The following LRGUK variants were observed in gnomAD, a reference collection of about 807,000 sequenced individuals.
LRGUK encodes leucine rich repeats and guanylate kinase domain containing.
In LRGUK, 65 loss-of-function variants were observed where a neutral mutation model predicts 76.0. The ratio of observed to expected loss-of-function variants is 0.85; its 90% CI spans 0.70 to 1.05. The LOEUF is 1.05. LRGUK is among the 50% of genes least tolerant of loss of function. LRGUK has a pLI of 0.00. For synonymous variants in LRGUK, 268 were observed against 265.6 expected (o/e 1.01, Z -0.09); for missense variants, 758 against 732.8 (o/e 1.03, Z -0.40).
intron 15 of LRGUK, among the ~76,000 whole-genome samples, chr7:134,207,036 C>T (rs745323620): frequency 2.6e-5 from 4 of 152,126 alleles, no homozygotes; most frequent in Non-Finnish European, 5.9e-5. Flanking sequence ...AAGTGGGGAA[C>T]ACATCCTTAT....
intron 1 of LRGUK, 124 bp downstream of exon 1, chr7:134,127,788 TC>T: frequency 9.1e-7 from 1 of 1,095,786 alleles, no homozygotes; most frequent in Non-Finnish European, 1.3e-6. Flanking sequence ...CTCTCTCGCC[TC>T]CAGGAACGCC....
intron 16 of LRGUK, among the ~76,000 whole-genome samples, chr7:134,228,885 G>A (rs1437824484): frequency 6.6e-6 from 1 of 152,066 alleles, no homozygotes; most frequent in Non-Finnish European, 1.5e-5. Context: ...TTGGGGGAAG[G>A]AGTAGAATAA....
chr7:134,262,017 T>C (rs1047967165), intron 19 of LRGUK, among the ~76,000 whole-genome samples: 5 of 152,364 alleles, frequency 3.3e-5, no homozygotes, highest in Admixed American at 6.5e-5. Flanking sequence ...ACACTCATCA[T>C]TCACTATAGT....
the LRGUK span, among the ~76,000 whole-genome samples, chr7:134,273,751 A>G: frequency 4.6e-5 from 7 of 152,088 alleles, no homozygotes; most frequent in African/African-American, 1.4e-4. Flanking sequence ...TAGGTTTACT[A>G]TTGTTCATAT....
intron 18 of LRGUK, among the ~76,000 whole-genome samples, chr7:134,254,836 A>C (rs1167344800): frequency 1.3e-5 from 2 of 152,230 alleles, no homozygotes; most frequent in Non-Finnish European, 2.9e-5. Context: ...TACTTGATGG[A>C]CTATTATGCA....
chr7:134,258,118 T>A (rs986476488), intron 18 of LRGUK, 139 bp from the exon 19 acceptor site: 1 of 1,001,364 alleles, frequency 1.0e-6, no homozygotes, highest in Admixed American at 2.2e-5. Context: ...TGTTGAACAC[T>A]AGCTCAACAC....
chr7:134,221,379 A>G (rs1346444688), intron 15 of LRGUK, among the ~76,000 whole-genome samples: 1 of 152,156 alleles, frequency 6.6e-6, no homozygotes, highest in Non-Finnish European at 1.5e-5. Flanking sequence ...TCATCATTCC[A>G]TTCTATTTCA....
chr7:134,145,947 T>C (rs1797951851), intron 4 of LRGUK, among the ~76,000 whole-genome samples: 1 of 152,054 alleles, frequency 6.6e-6, no homozygotes. Context: ...CCAATGGGAG[T>C]CCAAACAGTG....
At chr7:134,257,123 A>G (rs1282501789) in intron 18 of LRGUK, among the ~76,000 whole-genome samples, 1 of 152,100 alleles carries the variant, frequency 6.6e-6, no homozygotes, top group African/African-American at 2.4e-5. Context: ...TAGTGAGGAA[A>G]TTTCACTCAG....
chr7:134,215,484 A>T (rs1801411798), intron 15 of LRGUK, among the ~76,000 whole-genome samples: 1 of 152,146 alleles, frequency 6.6e-6, no homozygotes, highest in Non-Finnish European at 1.5e-5. Context: ...GACATCATTT[A>T]TGCTGAATTC....
chr7:134,159,653 G>A (rs934091022), intron 6 of LRGUK, among the ~76,000 whole-genome samples: 2 of 152,168 alleles, frequency 1.3e-5, no homozygotes, highest in African/African-American at 2.4e-5. Flanking sequence ...GCTAGGCGCG[G>A]TGGTGGTCCC....
At chr7:134,226,072 A>C (rs1345005035) in intron 16 of LRGUK, among the ~76,000 whole-genome samples, 1 of 152,164 alleles carries the variant, frequency 6.6e-6, no homozygotes, top group Non-Finnish European at 1.5e-5. Flanking sequence ...TCTGTCAAAA[A>C]CATTTATCTT....
At chr7:134,176,851 G>A in intron 8 of LRGUK, 126 bp from the exon 9 acceptor site, 1 of 609,074 alleles carries the variant, frequency 1.6e-6, no homozygotes. Flanking sequence ...GCATAGTCCT[G>A]TGAGGGTGTG....
chr7:134,263,818 CTA>C, intron 19 of LRGUK, 25 bp from the exon 20 acceptor site: 1 of 1,587,394 alleles, frequency 6.3e-7, no homozygotes, highest in South Asian at 1.2e-5. Context: ...AAGGGATTAA[CTA>C]TCTTTTTTTC....
At chr7:134,134,616 AAGTG>A (rs903476637) in intron 1 of LRGUK, among the ~76,000 whole-genome samples, 26 of 152,308 alleles carry the variant, frequency 1.7e-4, no homozygotes, top group African/African-American at 5.5e-4. Context: ...CACCTGCTCT[AAGTG>A]AGTAAGTGAG....
At chr7:134,150,938 G>C (rs1269889678) in intron 5 of LRGUK, among the ~76,000 whole-genome samples, 1 of 152,062 alleles carries the variant, frequency 6.6e-6, no homozygotes, top group African/African-American at 2.4e-5. Context: ...TATAATTAGA[G>C]TGTAACATGG....
chr7:134,192,522 C>G (rs1800299142), intron 12 of LRGUK, among the ~76,000 whole-genome samples: 1 of 152,156 alleles, frequency 6.6e-6, no homozygotes, highest in African/African-American at 2.4e-5. Context: ...GATAGTAACT[C>G]AAAACACTCT....
intron 16 of LRGUK, among the ~76,000 whole-genome samples, chr7:134,242,680 G>A (rs1463968336): frequency 6.6e-6 from 1 of 152,028 alleles, no homozygotes; most frequent in Non-Finnish European, 1.5e-5. Context: ...AACAAAAGAG[G>A]GAATCCTCCC....
At chr7:134,270,061 T>C in the LRGUK span, among the ~76,000 whole-genome samples, 1 of 152,168 alleles carries the variant, frequency 6.6e-6, no homozygotes, top group Admixed American at 6.6e-5. Flanking sequence ...TCATCACTCA[T>C]TTAACATAGG....
Sources: allele counts gnomAD v4.1 joint callset (sites outside exome capture counted in the v4.1 genomes callset), GRCh38; gene constraint gnomAD v4.1.1; transcripts MANE v1.5; gene names NCBI Gene and HGNC (gene_info 2026-07-23, HGNC 2026-07-21).